MAP2K5: variants seen among roughly 807,000 people sequenced by gnomAD.
MAP2K5 encodes dual specificity mitogen-activated protein kinase kinase 5.
A neutral mutation model predicts 83.1 loss-of-function variants in MAP2K5; 49 were observed. The ratio of observed to expected loss-of-function variants is 0.59; its 90% CI spans 0.47 to 0.75. The LOEUF is 0.75. Among genes scored for constraint, MAP2K5 ranks in the 30% least tolerant of loss-of-function variants. MAP2K5 has a pLI of 0.00. For synonymous variants in MAP2K5, 202 were observed against 191.8 expected (o/e 1.05, Z -0.44); for missense variants, 457 against 557.5 (o/e 0.82, Z 1.82).
intron 2 of MAP2K5, among the ~76,000 whole-genome samples, chr15:67,557,875 T>A (rs4420481): frequency 6.6e-6 from 1 of 151,916 alleles, no homozygotes; most frequent in Non-Finnish European, 1.5e-5. Context: ...TATGTAAAAA[T>A]ATAAAGGGTC....
chr15:67,627,601 C>T (rs1242386161), intron 8 of MAP2K5, among the ~76,000 whole-genome samples: 1 of 152,048 alleles, frequency 6.6e-6, no homozygotes, highest in South Asian at 2.1e-4. Flanking sequence ...TACTTGTAAA[C>T]GATATTACAA....
At chr15:67,597,943 C>T (rs972431838) in intron 7 of MAP2K5, among the ~76,000 whole-genome samples, 1 of 152,140 alleles carries the variant, frequency 6.6e-6, no homozygotes, top group Non-Finnish European at 1.5e-5. Context: ...GTCGCTCATG[C>T]TTGTAATCCT....
chr15:67,583,606 G>A (rs1419428403), intron 4 of MAP2K5, among the ~76,000 whole-genome samples: 1 of 152,064 alleles, frequency 6.6e-6, no homozygotes, highest in Non-Finnish European at 1.5e-5. Context: ...TAATCGACAT[G>A]TAGACATACT....
chr15:67,705,325 T>C (rs2088523559), intron 16 of MAP2K5, among the ~76,000 whole-genome samples: 1 of 152,190 alleles, frequency 6.6e-6, no homozygotes, highest in South Asian at 2.1e-4. Flanking sequence ...CACTCAAGTC[T>C]TGGCTGTCAT....
intron 17 of MAP2K5, among the ~76,000 whole-genome samples, chr15:67,729,150 T>A (rs1005971916): frequency 6.6e-6 from 1 of 152,250 alleles, no homozygotes; most frequent in Non-Finnish European, 1.5e-5. Flanking sequence ...TTAGTGTATA[T>A]AGCCTTGCTG....
intron 8 of MAP2K5, chr15:67,628,173 G>A (rs7170184): frequency 0.073 from 71,939 of 983,174 alleles, 4,259 homozygotes; most frequent in African/African-American, 0.19. Flanking sequence ...AAAGATATTT[G>A]TTGGTGGCAT....
At chr15:67,608,023 G>A (rs1248752955) in intron 8 of MAP2K5, among the ~76,000 whole-genome samples, 3 of 152,134 alleles carry the variant, frequency 2.0e-5, no homozygotes, top group African/African-American at 7.2e-5. Flanking sequence ...TTTTGAAGTG[G>A]CAAGACTTCT....
chr15:67,543,110 ACC>A lies in MAP2K5; in HGVS notation c.-224_-223del. ...CGGGCCTTTGCCCGCTTCCCGGTGC[ACC>A]CTCCCCGGGAGACACCTCAGACCCC... On this transcript the variant is annotated 5_prime_UTR_variant, in exon 1 of 22. Coordinates refer to ENST00000178640, the MANE Select transcript of MAP2K5 (RefSeq NM_145160.3). This position sits in a 1 kb window ranked among gnomAD's most constrained non-coding sequence, Gnocchi z 4.3. 1 of 563,854 alleles carries A rather than the reference ACC, an allele frequency of 1.8e-6. No homozygotes were observed. Among genetic ancestry groups the A allele is most frequent in the Non-Finnish European group, 3.2e-6 (1 of 314,588 alleles). The allele number at this position is 563,854 out of a possible 1,614,324, so 34.9% of individuals were successfully genotyped here.
intron 13 of MAP2K5, among the ~76,000 whole-genome samples, chr15:67,683,576 A>G (rs984675769): frequency 3.9e-5 from 6 of 152,102 alleles, no homozygotes; most frequent in Admixed American, 2.6e-4. Flanking sequence ...AGCTTGGCCA[A>G]CATGGCGAAA....
intron 19 of MAP2K5, among the ~76,000 whole-genome samples, chr15:67,751,598 A>G (rs2089719485): frequency 6.6e-6 from 1 of 152,224 alleles, no homozygotes; most frequent in Non-Finnish European, 1.5e-5. Flanking sequence ...TATGACTGTA[A>G]GCTCTGACAG....
rs949211552 is a variant in MAP2K5 at position 67,572,048 on chromosome 15, T to G, written c.252+8698T>G. Among the ~76,000 whole-genome samples, 4 of 152,152 alleles carry G rather than the reference T, an allele frequency of 2.6e-5. No individual in the cohort carries two copies. The highest frequency in any genetic ancestry group is 6.5e-5 in the Admixed American group (1 of 15,284). On this transcript the variant is annotated intron_variant, in intron 3 of 21. Coordinates refer to ENST00000178640, the MANE Select transcript of MAP2K5 (RefSeq NM_145160.3). The surrounding 1 kb of genome is among the most constrained non-coding windows in gnomAD (Gnocchi z 4.2). ...TAAATGATATAATACACCTAAGCAT[T>G]AGGTGCTCCATGAGCACAAGAAGTG...
chr15:67,709,278 C>A (rs2088632056), intron 16 of MAP2K5, among the ~76,000 whole-genome samples: 1 of 152,038 alleles, frequency 6.6e-6, no homozygotes, highest in African/African-American at 2.4e-5. Context: ...TAGCAAGAAT[C>A]AATGTGGAAA....
chr15:67,756,548 TGTGTGTGTGTGTGTTGA>T (rs1356774127), intron 19 of MAP2K5, among the ~76,000 whole-genome samples: 7 of 80,730 alleles, frequency 8.7e-5, no homozygotes, highest in Non-Finnish European at 1.3e-4. Flanking sequence ...TGTGTGTGTG[TGTGTGTGTGTGTGTTGA>T]TAACACTTAC....
chr15:67,734,192 G>C (rs2089288660), intron 17 of MAP2K5, among the ~76,000 whole-genome samples: 1 of 152,172 alleles, frequency 6.6e-6, no homozygotes, highest in African/African-American at 2.4e-5. Flanking sequence ...TAATTGGGTA[G>C]TTTTAATTGA....
chr15:67,565,771 A>G lies in MAP2K5; in HGVS notation c.252+2421A>G, dbSNP rs2084824286. On this transcript the variant is annotated intron_variant, in intron 3 of 21. Transcript: ENST00000178640. The surrounding 1 kb of genome is among the most constrained non-coding windows in gnomAD (Gnocchi z 4.1). The stretch of plus-strand genomic sequence containing the variant: ...AGAAGTCATCTATCTCATTGATGAG[A>G]TAATTTAAAAAAATTTTTTGTAGAG... Among the ~76,000 whole-genome samples, 1 of 152,018 alleles carries G rather than the reference A, an allele frequency of 6.6e-6. No homozygotes were observed. The highest frequency in any genetic ancestry group is 6.6e-5 in the Admixed American group (1 of 15,266).
intron 8 of MAP2K5, among the ~76,000 whole-genome samples, chr15:67,606,604 T>C (rs764779502): frequency 6.6e-6 from 1 of 152,184 alleles, no homozygotes; most frequent in Non-Finnish European, 1.5e-5. Flanking sequence ...GGGCTGGGGA[T>C]GGTCCTTGGA....
chr15:67,590,442 C>CTCTCTCTCTCT (rs2085377738), intron 6 of MAP2K5, among the ~76,000 whole-genome samples: 11 of 5,838 alleles, frequency 1.9e-3, no homozygotes, highest in African/African-American at 3.8e-3. Flanking sequence ...TCTCTCCCTC[C>CTCTCTCTCTCT]CTCCCTCTCT....
At chr15:67,653,046 G>A (rs1432621768) in intron 11 of MAP2K5, among the ~76,000 whole-genome samples, 1 of 152,024 alleles carries the variant, frequency 6.6e-6, no homozygotes, top group East Asian at 1.9e-4. Flanking sequence ...GGTTTAGTCA[G>A]ATTTTTTATT....
intron 13 of MAP2K5, among the ~76,000 whole-genome samples, chr15:67,688,074 A>G (rs1596796625): frequency 1.3e-5 from 2 of 152,240 alleles, no homozygotes; most frequent in Non-Finnish European, 2.9e-5. Context: ...AGAAAAATTC[A>G]GGCAAAAATC....
Sources: allele counts gnomAD v4.1 joint callset (sites outside exome capture counted in the v4.1 genomes callset), GRCh38; gene constraint gnomAD v4.1.1; non-coding constraint Gnocchi (gnomAD v3.1); transcripts MANE v1.5; gene names NCBI Gene and HGNC (gene_info 2026-07-23, HGNC 2026-07-21).